The following CPXM2 variants were observed in gnomAD, a reference collection of about 807,000 sequenced individuals.
CPXM2 encodes inactive carboxypeptidase-like protein X2.
In CPXM2, 66 loss-of-function variants were observed where a neutral mutation model predicts 86.1. The observed-to-expected ratio is 0.77, with a 90% confidence interval of 0.63 to 0.94. The LOEUF is 0.94. Ranked by LOEUF, CPXM2 falls within the 40% of genes least tolerant of loss-of-function variation. The pLI is 0.00. For synonymous variants in CPXM2, 388 were observed against 400.2 expected (o/e 0.97, Z 0.36); for missense variants, 948 against 1,026.3 (o/e 0.92, Z 1.04).
At chr10:123,871,760 C>T (rs1207067034) in intron 2 of CPXM2, among the ~76,000 whole-genome samples, 1 of 151,774 alleles carries the variant, frequency 6.6e-6, no homozygotes, top group Non-Finnish European at 1.5e-5. Flanking sequence ...TCAAAAGACA[C>T]TTCTACTAGA....
At chr10:123,851,868 C>A (rs556488488) in intron 3 of CPXM2, among the ~76,000 whole-genome samples, 1 of 151,370 alleles carries the variant, frequency 6.6e-6, no homozygotes, top group Admixed American at 6.6e-5. Flanking sequence ...TGTCTTTAAA[C>A]AAGGGGATAT....
chr10:123,776,845 G>C (rs1486090682), intron 7 of CPXM2: 2 of 152,166 alleles, frequency 1.3e-5, no homozygotes, highest in East Asian at 3.8e-4. Flanking sequence ...TTTGTCTTTA[G>C]GCTTTTGGTT....
rs532836056 is a variant in CPXM2, at chr10:123,787,902, T to G, written c.890-7647A>C. 3.3e-5 allele frequency among the ~76,000 whole-genome samples: 5 copies of G among 152,182 alleles called. No homozygotes were observed. In the South Asian group the frequency reaches 8.3e-4, roughly 25 times the overall value. On this transcript the variant is annotated intron_variant, in intron 6 of 13. Transcript: ENST00000241305. Reference sequence around the variant, plus strand: ...ATTACTCCGGGTTTGTAGCCCCCATTTTTCTAAGAGATGGTTTAATTATTT... The same window carrying G: ...ATTACTCCGGGTTTGTAGCCCCCATGTTTCTAAGAGATGGTTTAATTATTT...
chr10:123,934,049 G>A (rs1371710498), intron 2 of CPXM2, among the ~76,000 whole-genome samples: 1 of 152,102 alleles, frequency 6.6e-6, no homozygotes, highest in African/African-American at 2.4e-5. Context: ...CTGGAGCCGG[G>A]GTAAGTCCTC....
chr10:123,752,883 C>G (rs1166684332), intron 13 of CPXM2, among the ~76,000 whole-genome samples: 1 of 152,128 alleles, frequency 6.6e-6, no homozygotes, highest in Non-Finnish European at 1.5e-5. Context: ...ACCAACAAAA[C>G]AGTCAAGGGC....
intron 4 of CPXM2, among the ~76,000 whole-genome samples, chr10:123,825,309 G>T (rs995054323): frequency 6.6e-6 from 1 of 152,138 alleles, no homozygotes; most frequent in African/African-American, 2.4e-5. Flanking sequence ...CATGCATGAT[G>T]AGTTTCCCAG....
chr10:123,779,177 T>C (rs973645536), intron 7 of CPXM2, among the ~76,000 whole-genome samples: 2 of 152,268 alleles, frequency 1.3e-5, no homozygotes, highest in Non-Finnish European at 2.9e-5. Context: ...CATTTCTGCA[T>C]GTTCTGTCTC....
At chr10:123,780,324 C>T (rs145500904) in intron 6 of CPXM2, 69 bp from the exon 7 acceptor site, 9 of 1,005,288 alleles carry the variant, frequency 9.0e-6, no homozygotes, top group South Asian at 3.8e-5. Flanking sequence ...CTGTTAGAGA[C>T]ACATGGGGAC....
At chr10:123,804,593 T>C (rs1398757083) in intron 4 of CPXM2, among the ~76,000 whole-genome samples, 2 of 152,190 alleles carry the variant, frequency 1.3e-5, no homozygotes, top group East Asian at 3.9e-4. Flanking sequence ...GTCCAATAGT[T>C]TGTGGGCTCC....
intron 2 of CPXM2, among the ~76,000 whole-genome samples, chr10:123,911,074 C>T (rs1239625660): frequency 1.4e-4 from 22 of 152,210 alleles, no homozygotes; most frequent in Admixed American, 1.4e-3. Context: ...AGGACCTCAT[C>T]TTATCTTGAT....
chr10:123,887,800 G>GTTA (rs1210818067), intron 1 of CPXM2, among the ~76,000 whole-genome samples: 1 of 152,164 alleles, frequency 6.6e-6, no homozygotes, highest in Non-Finnish European at 1.5e-5. Flanking sequence ...CATCTAAGAG[G>GTTA]TTATCACTGG....
chr10:123,875,150 T>G lies in CPXM2; in HGVS notation c.403+5061A>C, dbSNP rs114619504. On this transcript the variant is annotated intron_variant, in intron 2 of 13. Coordinates refer to ENST00000241305, the MANE Select transcript of CPXM2 (RefSeq NM_198148.3). ...GAAGGCCCTGCCACAAATCCATTAT[T>G]GGAAAAACAAAATAAAACTCTCCAC... 4.0e-3 allele frequency among the ~76,000 whole-genome samples: 615 copies of G among 152,304 alleles called. 4 individuals carry two copies. The highest frequency in any genetic ancestry group is 0.014 in the African/African-American group (594 of 41,566).
At position 123,746,564 on chromosome 10, in the gene CPXM2, T is replaced by G; in HGVS notation, c.*200A>C. On this transcript the variant is annotated 3_prime_UTR_variant, in exon 14 of 14. Transcript: ENST00000241305. ...TTTCTCTGCTGCTCTGTCCAAGTTA[T>G]TTGGATAAATGGGAACAAAGAAAAG... 1.6e-6 allele frequency: 1 copy of G among 615,230 alleles called. No individual in the cohort carries two copies. Among genetic ancestry groups the G allele is most frequent in the Non-Finnish European group, 2.8e-6 (1 of 352,882 alleles). 38.1% of individuals were successfully genotyped at this position (615,230 alleles called of 1,614,324 possible).
intron 2 of CPXM2, among the ~76,000 whole-genome samples, chr10:123,898,745 CTTTCTT>C (rs1278844980): frequency 6.6e-6 from 1 of 152,180 alleles, no homozygotes; most frequent in Non-Finnish European, 1.5e-5. Context: ...AGTTTTCTTT[CTTTCTT>C]TTTCTTTTTT....
At chr10:123,758,907 A>T (rs1846274888) in intron 11 of CPXM2, among the ~76,000 whole-genome samples, 1 of 152,156 alleles carries the variant, frequency 6.6e-6, no homozygotes, top group Non-Finnish European at 1.5e-5. Flanking sequence ...GATGCTCAGT[A>T]TCAAAACCAT....
chr10:123,858,657 G>A (rs1210832804), intron 3 of CPXM2, among the ~76,000 whole-genome samples: 1 of 152,182 alleles, frequency 6.6e-6, no homozygotes, highest in Non-Finnish European at 1.5e-5. Context: ...CATGTTGGAG[G>A]AATAAATGAA....
In CPXM2 at chr10:123,754,854, C is replaced by T. The variant is rs998091018; in HGVS notation, c.1918-92G>A. On this transcript the variant is annotated intron_variant, in intron 12 of 13. Coordinates refer to ENST00000241305, the MANE Select transcript of CPXM2 (RefSeq NM_198148.3). This position sits in a 1 kb window ranked among gnomAD's most constrained non-coding sequence, Gnocchi z 4.0. ...AGTGGGCTGTCAACCCACCATTGGC[C>T]GGTTCCCACCAAGAACTCACACAGC... 6.7e-6 allele frequency: 5 copies of T among 746,098 alleles called. No homozygotes were observed. Among genetic ancestry groups the T allele is most frequent in the Admixed American group, 1.9e-5 (1 of 51,636 alleles). 46.2% of individuals were successfully genotyped at this position (746,098 alleles called of 1,614,324 possible).
At chr10:123,840,456 GA>G (rs1392979305) in intron 4 of CPXM2, among the ~76,000 whole-genome samples, 1 of 152,142 alleles carries the variant, frequency 6.6e-6, no homozygotes, top group Non-Finnish European at 1.5e-5. Flanking sequence ...TTCAAATGAA[GA>G]AAAAGTATGA....
At chr10:123,895,390 C>G (rs1251608428), upstream of CPXM2, among the ~76,000 whole-genome samples, 1 of 152,190 alleles carries the variant, frequency 6.6e-6, no homozygotes, top group East Asian at 1.9e-4. Context: ...TCCCAAAGTG[C>G]TGGGATTACA....
Sources: gnomAD v4.1 joint callset for allele counts (sites outside exome capture counted in the v4.1 genomes callset) on GRCh38, gnomAD v4.1.1 for gene constraint, Gnocchi (gnomAD v3.1) non-coding constraint, MANE v1.5 for transcripts, NCBI Gene and HGNC (gene_info 2026-07-23, HGNC 2026-07-21) for gene names.